ERBIN: variants seen among roughly 807,000 people sequenced by gnomAD.
The protein encoded by ERBIN is erbb2 interacting protein, also known as densin-180-like protein.
A neutral mutation model predicts 158.4 loss-of-function variants in ERBIN; 60 were observed. The ratio of observed to expected loss-of-function variants is 0.38; its 90% CI spans 0.31 to 0.47. The LOEUF (loss-of-function observed/expected upper bound fraction) is 0.47, where lower values mean the gene tolerates loss of function less well. ERBIN is among the 20% of genes least tolerant of loss of function. ERBIN has a pLI of 0.99. For missense variants in ERBIN, 1,610 were observed against 1,648.0 expected (o/e 0.98, Z 0.40); for synonymous variants, 594 against 557.2 (o/e 1.07, Z -0.93).
At chr5:66,029,400 G>T (rs1756607842) in intron 14 of ERBIN, among the ~76,000 whole-genome samples, 1 of 152,016 alleles carries the variant, frequency 6.6e-6, no homozygotes. Flanking sequence ...GGGTACACTG[G>T]TCTCATATGA....
chr5:66,035,283 C>T (rs1414028094), intron 14 of ERBIN, among the ~76,000 whole-genome samples: 2 of 152,134 alleles, frequency 1.3e-5, no homozygotes, highest in Admixed American at 6.6e-5. Flanking sequence ...TTAACATTGC[C>T]ACCTACATGT....
chr5:65,943,186 G>A (rs1745279183), intron 1 of ERBIN, among the ~76,000 whole-genome samples: 1 of 152,146 alleles, frequency 6.6e-6, no homozygotes, highest in Non-Finnish European at 1.5e-5. Context: ...GCTGATAATG[G>A]CAACAATCTG....
chr5:65,932,665 G>A (rs772246480), intron 1 of ERBIN, among the ~76,000 whole-genome samples: 13 of 152,126 alleles, frequency 8.5e-5, no homozygotes, highest in Non-Finnish European at 1.2e-4. Flanking sequence ...TTGTCTGTTC[G>A]TATTGGATTC....
At chr5:65,940,837 C>A (rs952493493) in intron 1 of ERBIN, among the ~76,000 whole-genome samples, 37 of 152,086 alleles carry the variant, frequency 2.4e-4, no homozygotes, top group African/African-American at 8.7e-4. Context: ...TCATTGAGAA[C>A]GGGCCATGAT....
At chr5:65,952,574 A>G (rs1008626901) in intron 1 of ERBIN, among the ~76,000 whole-genome samples, 6 of 152,146 alleles carry the variant, frequency 3.9e-5, no homozygotes, top group Non-Finnish European at 7.4e-5. Context: ...TAGATTAACA[A>G]TTGGACTTAC....
rs762221106 is a variant in ERBIN at position 66,025,830 on chromosome 5, T to C, written c.891-18T>C. The C allele has an allele frequency of 3.0e-6, 4 of 1,351,998 alleles. No individual in the cohort carries two copies. In the South Asian group the frequency reaches 6.4e-5, roughly 22 times the overall value. 83.8% of individuals were successfully genotyped at this position (1,351,998 alleles called of 1,614,324 possible). On this transcript the variant is annotated intron_variant, in intron 11 of 25. Coordinates refer to ENST00000284037, the MANE Select transcript of ERBIN (RefSeq NM_001253697.2). The stretch of plus-strand genomic sequence containing the variant: ...AAATCTTTAACAAATAATATATATT[T>C]CTTTTTTTAAATTAAAGGTTAATAT...
In ERBIN at chr5:66,072,051, G is replaced by A. The variant is rs534960993; in HGVS notation, c.3634-118G>A. On this transcript the variant is annotated intron_variant, in intron 21 of 25. Transcript: ENST00000284037. ...AGTAATGATGGCAGTGTTTGATTTG[G>A]GTCTTCATCTTTGCACTATTTGGCA... 4.4e-4 allele frequency: 418 copies of A among 949,766 alleles called. 2 individuals carry two copies. Among genetic ancestry groups the A allele is most frequent in the Non-Finnish European group, 5.9e-4 (386 of 651,058 alleles). 58.8% of individuals were successfully genotyped at this position (949,766 alleles called of 1,614,324 possible).
Position 65,993,808 on chromosome 5 carries a change from G to A in ERBIN, c.189+901G>A, listed in dbSNP as rs566679041. Among the ~76,000 whole-genome samples the A allele has an allele frequency of 5.9e-5, 9 of 152,238 alleles. No homozygotes were observed. In the South Asian group the frequency reaches 1.9e-3, roughly 32 times the overall value. On this transcript the variant is annotated intron_variant, in intron 3 of 25. Coordinates refer to ENST00000284037, the MANE Select transcript of ERBIN (RefSeq NM_001253697.2). ...TTTTCAAATAAGGAATAATTTGTTA[G>A]TGTAAGTGTGTCCCATAAAACTGTG...
At chr5:66,076,988 ACT>A (rs1762037766) in intron 25 of ERBIN, 39 bp downstream of exon 25, 1 of 1,353,042 alleles carries the variant, frequency 7.4e-7, no homozygotes, top group South Asian at 1.2e-5. Context: ...ATTTTATAAC[ACT>A]CTAATGTTTT....
At chr5:66,022,686 G>C (rs958146361) in intron 8 of ERBIN, among the ~76,000 whole-genome samples, 1 of 152,154 alleles carries the variant, frequency 6.6e-6, no homozygotes, top group Non-Finnish European at 1.5e-5. Context: ...GATTAATTTT[G>C]ATGTCCTCAA....
intron 4 of ERBIN, among the ~76,000 whole-genome samples, chr5:65,998,860 A>G (rs893533466): frequency 1.6e-4 from 23 of 144,086 alleles, no homozygotes; most frequent in African/African-American, 4.7e-4. Context: ...ATGCCATGGC[A>G]CTCCAGCCTG....
intron 1 of ERBIN, among the ~76,000 whole-genome samples, chr5:65,977,088 G>A (rs1403631936): frequency 6.6e-6 from 1 of 151,810 alleles, no homozygotes; most frequent in Admixed American, 6.5e-5. Flanking sequence ...TCCCAGTAGG[G>A]GCGGCCGGGC....
chr5:66,067,029 A>T (rs1471892572), intron 21 of ERBIN, among the ~76,000 whole-genome samples: 1 of 152,208 alleles, frequency 6.6e-6, no homozygotes, highest in East Asian at 1.9e-4. Flanking sequence ...AGTCAATAAC[A>T]CATTAAAGCT....
intron 1 of ERBIN, among the ~76,000 whole-genome samples, chr5:65,963,343 A>G (rs1748131103): frequency 6.6e-6 from 1 of 152,238 alleles, no homozygotes; most frequent in Non-Finnish European, 1.5e-5. Context: ...TTCTCAAGTT[A>G]TCACTCTGTC....
intron 1 of ERBIN, among the ~76,000 whole-genome samples, chr5:65,951,060 T>C (rs2096400281): frequency 1.3e-5 from 2 of 152,200 alleles, no homozygotes; most frequent in South Asian, 2.1e-4. Context: ...AAGTGTGTGC[T>C]GGACTGTAGC....
intron 4 of ERBIN, among the ~76,000 whole-genome samples, chr5:65,998,609 AT>A (rs1485844852): frequency 6.6e-6 from 1 of 152,050 alleles, no homozygotes; most frequent in Non-Finnish European, 1.5e-5. Flanking sequence ...TATCTTAAAA[AT>A]TTTTGGCCAG....
At chr5:66,033,147 A>G (rs1247605612) in intron 14 of ERBIN, among the ~76,000 whole-genome samples, 2 of 151,922 alleles carry the variant, frequency 1.3e-5, no homozygotes, top group Non-Finnish European at 1.5e-5. Flanking sequence ...TGAAGGCTTC[A>G]TTTTCTTTTT....
chr5:65,958,837 T>C (rs1008385179), intron 1 of ERBIN, among the ~76,000 whole-genome samples: 2 of 152,232 alleles, frequency 1.3e-5, no homozygotes, highest in African/African-American at 4.8e-5. Flanking sequence ...ATAGGCTTTG[T>C]GTTGGGTGAT....
At chr5:66,016,615 C>CT (rs11323656) in intron 7 of ERBIN, among the ~76,000 whole-genome samples, 3,606 of 124,158 alleles carry the variant, frequency 0.029, 179 homozygotes, top group African/African-American at 0.095. Flanking sequence ...TTCATGAGAT[C>CT]TTTTTTTTTT....
Sources: allele counts gnomAD v4.1 joint callset (sites outside exome capture counted in the v4.1 genomes callset), GRCh38; gene constraint gnomAD v4.1.1; transcripts MANE v1.5; gene names NCBI Gene and HGNC (gene_info 2026-07-23, HGNC 2026-07-21).